CCDC138: variants seen among roughly 807,000 people sequenced by gnomAD.
CCDC138 encodes the protein coiled-coil domain containing 138.
Under a neutral mutation model 82.3 loss-of-function variants are expected in CCDC138, and 66 were observed. The ratio of observed to expected loss-of-function variants is 0.80; its 90% CI spans 0.66 to 0.98. The LOEUF (loss-of-function observed/expected upper bound fraction) is 0.98, where lower values mean the gene tolerates loss of function less well. Ranked by LOEUF, CCDC138 falls within the 50% of genes least tolerant of loss-of-function variation. The probability of loss-of-function intolerance (pLI) is 0.00; values close to 1 mark genes in which losing one functional copy is unlikely to be tolerated. For missense variants in CCDC138, 816 were observed against 758.9 expected, an observed-to-expected ratio of 1.08 and a Z score of -0.88; for synonymous variants, 297 against 265.4, an observed-to-expected ratio of 1.12 and a Z score of -1.16.
intron 11 of CCDC138, among the ~76,000 whole-genome samples, chr2:108,843,224 C>A (rs560988557): frequency 6.6e-6 from 1 of 152,196 alleles, no homozygotes; most frequent in South Asian, 2.1e-4. Flanking sequence ...GTGGCATGAT[C>A]TTGGCTCACT....
At chr2:108,836,070 C>T (rs908868559) in intron 10 of CCDC138, among the ~76,000 whole-genome samples, 1 of 152,166 alleles carries the variant, frequency 6.6e-6, no homozygotes, top group Admixed American at 6.6e-5. Context: ...TAGATCCTCA[C>T]CTCTCAACAC....
rs757476348 is a variant in CCDC138, at chr2:108,812,720, GTTC to G, written c.933+17_933+19del. ...TAGATAATTTACAGGTAAGTTGCCT[GTTC>G]TTCTCTACAGACAGAAGTATGTTTT... On this transcript the variant is annotated intron_variant, in intron 8 of 14. Transcript: ENST00000295124. The G allele has an allele frequency of 2.5e-6, 4 of 1,606,628 alleles. No homozygotes were observed. The highest frequency in any genetic ancestry group is 1.1e-5 in the South Asian group (1 of 90,802).
chr2:108,850,587 G>A (rs1475649522), intron 12 of CCDC138, among the ~76,000 whole-genome samples: 1 of 152,038 alleles, frequency 6.6e-6, no homozygotes, highest in Non-Finnish European at 1.5e-5. Flanking sequence ...GAGTAGCTGG[G>A]ATTACAGGCA....
intron 3 of CCDC138, among the ~76,000 whole-genome samples, chr2:108,789,364 G>A (rs1573896793): frequency 6.6e-6 from 1 of 152,134 alleles, no homozygotes; most frequent in African/African-American, 2.4e-5. Flanking sequence ...AGGCCGAGGC[G>A]GGTGGATCAC....
intron 11 of CCDC138, among the ~76,000 whole-genome samples, chr2:108,845,526 A>C (rs1690289372): frequency 6.6e-6 from 1 of 151,972 alleles, no homozygotes; most frequent in African/African-American, 2.4e-5. Context: ...AATCTGGTTT[A>C]AGCATTCTGA....
At chr2:108,837,061 G>GT (rs751680984) in intron 10 of CCDC138, among the ~76,000 whole-genome samples, 1 of 152,016 alleles carries the variant, frequency 6.6e-6, no homozygotes, top group African/African-American at 2.4e-5. Flanking sequence ...TTCTTGCCCA[G>GT]TTTCACTGGC....
At chr2:108,861,978 T>A (rs1235384508) in intron 13 of CCDC138, among the ~76,000 whole-genome samples, 3 of 152,148 alleles carry the variant, frequency 2.0e-5, no homozygotes, top group African/African-American at 7.2e-5. Context: ...GAGTAAATTC[T>A]TTAGTTTTCA....
chr2:108,787,010 C>G, intron 1 of CCDC138, 95 bp downstream of exon 1: 1 of 784,272 alleles, frequency 1.3e-6, no homozygotes, highest in South Asian at 4.5e-5. Context: ...CGCGCAGCGG[C>G]TCTGGTCCCG....
At chr2:108,831,558 A>G (rs1045051429) in intron 10 of CCDC138, among the ~76,000 whole-genome samples, 1 of 152,222 alleles carries the variant, frequency 6.6e-6, no homozygotes, top group African/African-American at 2.4e-5. Flanking sequence ...TTTGCTGTGA[A>G]GAAACTGAAA....
intron 13 of CCDC138, among the ~76,000 whole-genome samples, chr2:108,866,576 T>C (rs912561825): frequency 6.6e-6 from 1 of 152,166 alleles, no homozygotes; most frequent in African/African-American, 2.4e-5. Flanking sequence ...TATCCTCAAG[T>C]ATTGACACAT....
chr2:108,880,911 G>A (rs1041038782), downstream of CCDC138, among the ~76,000 whole-genome samples: 16 of 152,296 alleles, frequency 1.1e-4, no homozygotes, highest in African/African-American at 2.4e-4. Context: ...CTTTCAAGTC[G>A]ATTTGCTTCT....
intron 11 of CCDC138, among the ~76,000 whole-genome samples, chr2:108,842,249 G>A (rs1459122249): frequency 1.3e-5 from 2 of 151,468 alleles, no homozygotes; most frequent in Non-Finnish European, 2.9e-5. Flanking sequence ...TTGTTGCCCA[G>A]GCTGGTCTCT....
At chr2:108,873,198 G>T (rs1359383725) in intron 13 of CCDC138, among the ~76,000 whole-genome samples, 2 of 151,978 alleles carry the variant, frequency 1.3e-5, no homozygotes, top group East Asian at 1.9e-4. Flanking sequence ...TCAAACATGG[G>T]ATTTCTTCTA....
chr2:108,808,578 C>G (rs1003250267), intron 7 of CCDC138, among the ~76,000 whole-genome samples: 1 of 152,134 alleles, frequency 6.6e-6, no homozygotes, highest in African/African-American at 2.4e-5. Flanking sequence ...GATACCTGAT[C>G]ATGGTTTCGA....
chr2:108,795,344 T>A (rs529232887), intron 5 of CCDC138, among the ~76,000 whole-genome samples: 9 of 152,026 alleles, frequency 5.9e-5, no homozygotes, highest in Non-Finnish European at 1.2e-4. Flanking sequence ...TTAGTAGAGA[T>A]GGGGTTTCAC....
chr2:108,843,846 G>A (rs1427010638), intron 11 of CCDC138, among the ~76,000 whole-genome samples: 1 of 7,458 alleles, frequency 1.3e-4, no homozygotes, highest in East Asian at 0.019. Context: ...TTCATGTTTT[G>A]TGTGTGTGTG....
downstream of CCDC138, among the ~76,000 whole-genome samples, chr2:108,881,221 C>T (rs1696282549): frequency 6.6e-6 from 1 of 152,216 alleles, no homozygotes; most frequent in East Asian, 1.9e-4. Flanking sequence ...TCTACACCAG[C>T]ACTTGTTGCT....
At chr2:108,839,893 T>C (rs1689177945) in intron 11 of CCDC138, among the ~76,000 whole-genome samples, 1 of 152,018 alleles carries the variant, frequency 6.6e-6, no homozygotes, top group Admixed American at 6.5e-5. Context: ...AGCTAGAGTT[T>C]CCAGCAGTAT....
Position 108,786,836 on chromosome 2 carries a change from T to A in CCDC138, c.14T>A (p.Val5Asp). Residue 5 changes from valine (V) to aspartate (D), a missense_variant, in exon 1 of 15, where the codon GTC (valine) becomes GAC (aspartate). Physicochemically the swap from Val to Asp is radical, Grantham distance 152. Transcript: ENST00000295124. ...TTGCTGTGTGCTATGGAGCCGAGGG[T>A]CGTCAAGCCACCGGGGCAGGATTTA... Reference protein sequence around the residue: MEPRVVKPPGQDLVV... With the variant: MEPRDVKPPGQDLVV... The A allele has an allele frequency of 5.0e-6, 8 of 1,590,924 alleles. No homozygotes were observed. The highest frequency in any genetic ancestry group is 6.8e-6 in the Non-Finnish European group (8 of 1,170,328).
Sources: allele counts gnomAD v4.1 joint callset (sites outside exome capture counted in the v4.1 genomes callset), GRCh38; gene constraint gnomAD v4.1.1; transcripts MANE v1.5; gene names NCBI Gene and HGNC (gene_info 2026-07-23, HGNC 2026-07-21).